Variants in SLC37A2 observed in about 807,000 individuals in gnomAD.
SLC37A2 encodes the protein solute carrier family 37 member 2.
A neutral mutation model predicts 70.7 loss-of-function variants in SLC37A2; 59 were observed. That is an observed-to-expected ratio of 0.83 (90% CI 0.68 to 1.04). SLC37A2 has a LOEUF of 1.04. SLC37A2 is among the 50% of genes least tolerant of loss of function. The pLI is 0.00. For synonymous variants in SLC37A2, 257 were observed against 262.1 expected (o/e 0.98, Z 0.19); for missense variants, 580 against 658.1 (o/e 0.88, Z 1.30).
Position 125,080,064 on chromosome 11 carries a change from T to G in SLC37A2, c.527+304T>G, listed in dbSNP as rs538549757. On this transcript the variant is annotated intron_variant, in intron 6 of 17. Transcript: ENST00000403796. This position sits in a 1 kb window ranked among gnomAD's most constrained non-coding sequence, Gnocchi z 4.3. The stretch of plus-strand genomic sequence containing the variant: ...CCCCCAACCCCGACCCCGAATTGGC[T>G]TGTGTGCAAAACAAAGTTGCTTTGG... Among the ~76,000 whole-genome samples, 1 of 152,268 alleles carries G rather than the reference T, an allele frequency of 6.6e-6. No homozygotes were observed. The highest frequency in any genetic ancestry group is 6.5e-5 in the Admixed American group (1 of 15,302).
chr11:125,076,652 C>G, intron 1 of SLC37A2, 105 bp from the exon 2 acceptor site: 1 of 1,049,484 alleles, frequency 9.5e-7, no homozygotes, highest in Non-Finnish European at 1.5e-6. Flanking sequence ...GTTGGTGGTC[C>G]TCAGGCCCTG....
chr11:125,073,910 C>T (rs1429842347), intron 1 of SLC37A2, among the ~76,000 whole-genome samples: 3 of 152,196 alleles, frequency 2.0e-5, no homozygotes, highest in Non-Finnish European at 4.4e-5. Flanking sequence ...GGCTGGGGTT[C>T]AGAGCTGCCG....
rs1179665399 is a variant in SLC37A2 at position 125,085,120 on chromosome 11, C to G, written c.1229C>G (p.Thr410Ser). 1 of 1,613,860 alleles carries G rather than the reference C, an allele frequency of 6.2e-7. No individual in the cohort carries two copies. The highest frequency in any genetic ancestry group is 8.5e-7 in the Non-Finnish European group (1 of 1,179,914). ...LVNGPYALIT[T>S]AVSADLGTHK... ...AATGGCCCATACGCGCTCATCACCA[C>G]TGCTGTCTCTGCTGATCTGGTGAGT... is the stretch of plus-strand genomic sequence containing the variant. The change falls in exon 14 of 18, where the codon ACT becomes AGT. Residue 410 changes from threonine (T) to serine (S), a missense_variant. Transcript: ENST00000403796.
Position 125,081,781 on chromosome 11 carries a change from C to G in SLC37A2, c.760C>G (p.Pro254Ala). ...HGEPAENQDNPEDPGNSPCSI... is the reference protein window; with the variant it reads ...HGEPAENQDNAEDPGNSPCSI... ...TGAGCCAGCTGAGAACCAGGACAACCCTGAGGACCCTGGGAACAGTCCCTG... is the reference window on the plus strand; with the variant it reads ...TGAGCCAGCTGAGAACCAGGACAACGCTGAGGACCCTGGGAACAGTCCCTG... Residue 254 changes from proline (P) to alanine (A), a missense_variant, in exon 9 of 18, where the codon CCT (proline) becomes GCT (alanine). Transcript: ENST00000403796. The G allele has an allele frequency of 6.2e-7, 1 of 1,611,002 alleles. No individual in the cohort carries two copies. The highest frequency in any genetic ancestry group is 8.5e-7 in the Non-Finnish European group (1 of 1,178,416).
intron 1 of SLC37A2, among the ~76,000 whole-genome samples, chr11:125,074,949 G>C (rs759474198): frequency 6.6e-6 from 1 of 152,188 alleles, no homozygotes; most frequent in Non-Finnish European, 1.5e-5. Context: ...TGCCTGGGGG[G>C]CCTTACCGGC....
chr11:125,071,429 T>C (rs1036129934), intron 1 of SLC37A2, among the ~76,000 whole-genome samples: 6 of 152,260 alleles, frequency 3.9e-5, no homozygotes, highest in African/African-American at 1.4e-4. Context: ...GCTGTCTTCA[T>C]TCTGCCTGAC....
rs535796071 is a variant in SLC37A2, at chr11:125,084,236, G to A, written c.1042G>A (p.Gly348Ser). Residue 348 changes from glycine (G) to serine (S), a missense_variant and splice_region_variant, in exon 12 of 18, where the codon GGC (glycine) becomes AGC (serine). By Grantham distance (56) the Gly-to-Ser change is moderately conservative. Transcript: ENST00000403796. Reference protein sequence around the residue: ...TLFDVGGIIGGIVAGLVSDYT... With the variant: ...TLFDVGGIIGSIVAGLVSDYT... ...GCGTGAGTGGCTGTGTGTTCCAGGC[G>A]GCATCGTGGCAGGGCTCGTCTCTGA... 2.4e-5 allele frequency: 38 copies of A among 1,614,190 alleles called. 1 individual carries two copies. The highest frequency in any genetic ancestry group is 1.3e-4 in the Admixed American group (8 of 60,032).
chr11:125,082,159 G>A (rs971289332), intron 9 of SLC37A2, 85 bp from the exon 10 acceptor site: 1 of 1,306,546 alleles, frequency 7.7e-7, no homozygotes, highest in East Asian at 2.3e-5. Context: ...GAAAGTACTG[G>A]GGTGGTGCTG....
At chr11:125,084,117 G>C (rs1325631704) in intron 11 of SLC37A2, 117 bp from the exon 12 acceptor site, 2 of 1,166,098 alleles carry the variant, frequency 1.7e-6, no homozygotes, top group Non-Finnish European at 2.5e-6. Context: ...GGAAAAAGCA[G>C]CTCTGCTGGT....
intron 1 of SLC37A2, among the ~76,000 whole-genome samples, chr11:125,068,280 A>G (rs1949000131): frequency 1.3e-5 from 2 of 152,210 alleles, no homozygotes; most frequent in South Asian, 4.1e-4. Context: ...GATAAATGCG[A>G]TAATATAAGG....
Position 125,084,429 on chromosome 11 carries a change from G to A in SLC37A2, c.1125+110G>A, listed in dbSNP as rs145487598. On this transcript the variant is annotated intron_variant, in intron 12 of 17. Coordinates refer to ENST00000403796, the MANE Select transcript of SLC37A2 (RefSeq NM_001145290.2). The stretch of plus-strand genomic sequence containing the variant: ...TACACACATTGATGTCGCTGTGTAC[G>A]CGTGCACATGCATCATTGTGCACAC... The A allele has an allele frequency of 2.1e-4, 229 of 1,093,934 alleles. 1 individual carries two copies. The African/African-American group carries it at 3.0e-3, about 14-fold the overall frequency. The allele number at this position is 1,093,934 out of a possible 1,614,324, so 67.8% of individuals were successfully genotyped here. A position where few individuals can be genotyped will look rare whatever the true frequency, so the allele number is the denominator to read the frequency against.
chr11:125,072,631 G>C (rs1276050460), intron 1 of SLC37A2, among the ~76,000 whole-genome samples: 1 of 152,192 alleles, frequency 6.6e-6, no homozygotes, highest in African/African-American at 2.4e-5. Context: ...GGGAAGGACT[G>C]GTGAGAGGAG....
rs928852488 is a variant in SLC37A2 at position 125,088,042 on chromosome 11, C to T, written c.1491-77C>T. 47 of 1,503,448 alleles carry T rather than the reference C, an allele frequency of 3.1e-5. No individual in the cohort carries two copies. The African/African-American group carries it at 6.1e-4, about 20-fold the overall frequency. 93.1% of individuals were successfully genotyped at this position (1,503,448 alleles called of 1,614,324 possible). A position where few individuals can be genotyped will look rare whatever the true frequency, so the allele number is the denominator to read the frequency against. The stretch of plus-strand genomic sequence containing the variant: ...TGATGAAGGGACCCTGGGACCCTGC[C>T]TTTCCTCTCCCTACTCAGCAGGAGC... On this transcript the variant is annotated intron_variant, in intron 17 of 17. Coordinates refer to ENST00000403796, the MANE Select transcript of SLC37A2 (RefSeq NM_001145290.2).
chr11:125,068,246 A>G (rs867321779), intron 1 of SLC37A2, among the ~76,000 whole-genome samples: 1 of 152,178 alleles, frequency 6.6e-6, no homozygotes, highest in Non-Finnish European at 1.5e-5. Context: ...TTCCTCATCA[A>G]TAAAAGTCAG....
intron 9 of SLC37A2, 68 bp downstream of exon 9, chr11:125,081,974 T>C (rs1949156066): frequency 6.7e-7 from 1 of 1,495,202 alleles, no homozygotes; most frequent in African/African-American, 1.4e-5. Context: ...GATGAGGAGA[T>C]GGGGTGCTTG....
intron 14 of SLC37A2, 53 bp downstream of exon 14, chr11:125,085,192 G>A (rs1262880270): frequency 1.3e-6 from 2 of 1,539,714 alleles, no homozygotes; most frequent in East Asian, 2.2e-5. Flanking sequence ...GCTTGGTCAG[G>A]GCCACCATCT....
At chr11:125,074,710 G>C (rs1011412987) in intron 1 of SLC37A2, among the ~76,000 whole-genome samples, 18 of 152,300 alleles carry the variant, frequency 1.2e-4, no homozygotes, top group African/African-American at 4.3e-4. Flanking sequence ...CTCAGCATGA[G>C]TGTGGAGGTG....
chr11:125,072,315 G>A (rs1380421591), intron 1 of SLC37A2, among the ~76,000 whole-genome samples: 1 of 152,180 alleles, frequency 6.6e-6, no homozygotes, highest in East Asian at 1.9e-4. Flanking sequence ...TAATAGTTAA[G>A]AGATAGCTAG....
chr11:125,064,716 T>G (rs940402764), intron 1 of SLC37A2, among the ~76,000 whole-genome samples: 2 of 152,226 alleles, frequency 1.3e-5, no homozygotes, highest in Non-Finnish European at 2.9e-5. Flanking sequence ...AATGAACCCA[T>G]GTTAAAGATT....
Sources: gnomAD v4.1 joint callset for allele counts (sites outside exome capture counted in the v4.1 genomes callset) on GRCh38, gnomAD v4.1.1 for gene constraint, Gnocchi (gnomAD v3.1) non-coding constraint, MANE v1.5 for transcripts, NCBI Gene and HGNC (gene_info 2026-07-23, HGNC 2026-07-21) for gene names.